Variants in TAF4 observed in about 807,000 individuals in gnomAD.
TAF4 encodes the protein transcription initiation factor TFIID subunit 4.
TAF4 carries 9 observed loss-of-function variants against 90.3 expected under a neutral mutation model. That is an observed-to-expected ratio of 0.10 (90% confidence interval 0.06 to 0.17). The LOEUF (loss-of-function observed/expected upper bound fraction) is 0.17. Ranked by LOEUF, TAF4 falls within the 10% of genes least tolerant of loss-of-function variation. The pLI is 1.00. For missense variants in TAF4, 1,351 were observed against 1,370.7 expected, an observed-to-expected ratio of 0.99 and a Z score of 0.23; for synonymous variants, 818 against 638.9, an observed-to-expected ratio of 1.28 and a Z score of -4.23.
intron 1 of TAF4, among the ~76,000 whole-genome samples, chr20:62,040,311 C>T (rs1292091928): frequency 3.3e-5 from 5 of 152,258 alleles, no homozygotes; most frequent in African/African-American, 1.2e-4. Flanking sequence ...TACTGGCACG[C>T]ACACGACACA....
intron 14 of TAF4, among the ~76,000 whole-genome samples, chr20:61,983,716 A>G (rs1053290952): frequency 2.0e-5 from 3 of 152,244 alleles, no homozygotes; most frequent in Non-Finnish European, 4.4e-5. Context: ...GAGTCAAGAC[A>G]AAACATGTCA....
intron 1 of TAF4, among the ~76,000 whole-genome samples, chr20:62,029,483 C>T (rs564883280): frequency 0.019 from 2,581 of 136,448 alleles, 67 homozygotes; most frequent in African/African-American, 0.073. Flanking sequence ...CGTGCGCGCG[C>T]GCGCACACAC....
chr20:62,064,622 G>T lies in TAF4; in HGVS notation c.1189C>A (p.Pro397Thr). The change falls in exon 1 of 15, where the codon CCC (proline) becomes ACC (threonine). Residue 397 changes from proline to threonine, a missense_variant. Pro to Thr is a conservative substitution (Grantham distance 38). Coordinates refer to ENST00000252996, the MANE Select transcript of TAF4 (RefSeq NM_003185.4). ...GCCGCGCCTTTGGGCAGCCCGGTGG[G>T]GGTCCCGGGGGCGGGCGGCGGGACG... ...AAVPPPAPGT[P>T]TGLPKGAAGA... The T allele has an allele frequency of 2.2e-6, 3 of 1,369,278 alleles. No individual in the cohort carries two copies. Among genetic ancestry groups the T allele is most frequent in the Non-Finnish European group, 2.8e-6 (3 of 1,067,756 alleles). The allele number at this position is 1,369,278 out of a possible 1,614,324, so 84.8% of individuals were successfully genotyped here.
chr20:62,027,972 G>C (rs1045515461), intron 1 of TAF4, among the ~76,000 whole-genome samples: 3 of 152,252 alleles, frequency 2.0e-5, no homozygotes, highest in Admixed American at 6.5e-5. Context: ...AGCCAGGCCA[G>C]GAGTTGTATC....
chr20:62,026,397 C>G (rs2055874837), intron 1 of TAF4, among the ~76,000 whole-genome samples: 1 of 152,216 alleles, frequency 6.6e-6, no homozygotes, highest in Non-Finnish European at 1.5e-5. Context: ...GAGCATGAAA[C>G]AGCTGCAGGG....
chr20:61,985,028 GT>G (rs1396231652), intron 14 of TAF4, among the ~76,000 whole-genome samples: 3 of 75,712 alleles, frequency 4.0e-5, no homozygotes, highest in Non-Finnish European at 7.7e-5. Flanking sequence ...GGGGCAGGGG[GT>G]GGGAGGATGG....
chr20:62,063,703 T>C (rs973914833), intron 1 of TAF4, among the ~76,000 whole-genome samples: 1 of 152,154 alleles, frequency 6.6e-6, no homozygotes, highest in Non-Finnish European at 1.5e-5. Flanking sequence ...CCAGAGTAGC[T>C]AGGCGCTCCT....
Position 61,999,026 on chromosome 20 carries a change from C to T in TAF4, c.2870G>A (p.Arg957Lys), listed in dbSNP as rs1455504340. 3.1e-6 allele frequency: 5 copies of T among 1,614,020 alleles called. No homozygotes were observed. Among genetic ancestry groups the T allele is most frequent in the Admixed American group, 3.3e-5 (2 of 60,002 alleles). ...GATCTCCCGCTCCTGCTCATCCTTC[C>T]TCTGCTTTTCGATTTGATCAAGCTG... ...FEQLDQIEKQ[R>K]KDEQEREILM... The change falls in exon 12 of 15, where the codon AGG (arginine) becomes AAG (lysine). Residue 957 changes from arginine (R) to lysine (K), a missense_variant. This residue lies in a region of TAF4 where 95 missense variants were observed against 151.3 expected (regional missense o/e 0.63). Transcript: ENST00000252996.
intron 14 of TAF4, among the ~76,000 whole-genome samples, chr20:61,992,745 C>T (rs2055639073): frequency 6.6e-6 from 1 of 152,054 alleles, no homozygotes; most frequent in Non-Finnish European, 1.5e-5. Context: ...ATGACTTTTT[C>T]GGTCTGAAAC....
At chr20:61,986,748 C>A (rs2055594880) in intron 14 of TAF4, among the ~76,000 whole-genome samples, 1 of 152,194 alleles carries the variant, frequency 6.6e-6, no homozygotes, top group Non-Finnish European at 1.5e-5. Context: ...TTGTTACCTA[C>A]AGAAAAAAAT....
chr20:61,976,189 G>C lies in TAF4; in HGVS notation c.3237C>G (p.Leu1079=), dbSNP rs1322727909. Reference sequence around the variant, plus strand: ...TGTGTCACTTAAGGAATGCTTTGTAGAGCAGCAGTGAATGGCTTGTCTCAC... The same window carrying C: ...TGTGTCACTTAAGGAATGCTTTGTACAGCAGCAGTGAATGGCTTGTCTCAC... ...NERETSHSLL[L]YKAFLK is the part of the protein sequence containing the mutation. The change falls in exon 15 of 15, where the codon CTC becomes CTG. Residue 1079 remains leucine, a synonymous_variant. Coordinates refer to ENST00000252996, the MANE Select transcript of TAF4 (RefSeq NM_003185.4). 1.2e-6 allele frequency: 2 copies of C among 1,614,098 alleles called. No individual in the cohort carries two copies. Among genetic ancestry groups the C allele is most frequent in the Non-Finnish European group, 8.5e-7 (1 of 1,180,044 alleles).
At chr20:62,064,196 G>A (rs2056107089) in intron 1 of TAF4, 2 of 396,662 alleles carry the variant, frequency 5.0e-6, no homozygotes, top group Non-Finnish European at 8.8e-6. Flanking sequence ...AAACAGACCA[G>A]CCCCAGGCAC....
At chr20:62,052,808 C>T (rs1453336170) in intron 1 of TAF4, among the ~76,000 whole-genome samples, 1 of 145,474 alleles carries the variant, frequency 6.9e-6, no homozygotes, top group African/African-American at 2.6e-5. Context: ...CACCACCCCA[C>T]CCCCACAGTA....
At chr20:62,008,466 G>T (rs545527683) in intron 5 of TAF4, among the ~76,000 whole-genome samples, 1 of 151,886 alleles carries the variant, frequency 6.6e-6, no homozygotes, top group East Asian at 2.0e-4. Context: ...GTTAAGGAGA[G>T]GGGAGGCTGC....
intron 1 of TAF4, among the ~76,000 whole-genome samples, chr20:62,035,036 G>T (rs1162015431): frequency 6.6e-6 from 1 of 152,000 alleles, no homozygotes; most frequent in East Asian, 1.9e-4. Flanking sequence ...TAGCCAGGAT[G>T]GTCTCGATCC....
intron 11 of TAF4, 50 bp downstream of exon 11, chr20:62,000,074 A>T (rs988571010): frequency 1.2e-5 from 19 of 1,613,894 alleles, no homozygotes; most frequent in Non-Finnish European, 1.3e-5. Context: ...GCCAGCAGAG[A>T]GTGGGGGCCA....
chr20:62,012,715 T>TAA (rs2055786267), intron 3 of TAF4, 100 bp downstream of exon 3: 1 of 1,305,918 alleles, frequency 7.7e-7, no homozygotes, highest in Non-Finnish European at 9.9e-7. Flanking sequence ...AGTATCCAGT[T>TAA]TAAAAAAAAA....
intron 14 of TAF4, among the ~76,000 whole-genome samples, chr20:61,985,984 A>C: frequency 6.8e-6 from 1 of 147,746 alleles, no homozygotes. Flanking sequence ...TCCCCAATCA[A>C]AGGAAATACC....
chr20:62,064,257 G>A (rs3746650), intron 1 of TAF4, 194 bp downstream of exon 1: 60,721 of 520,602 alleles, frequency 0.12, 5,470 homozygotes, highest in East Asian at 0.44. Context: ...AGGCTATGCC[G>A]ACTCCCTCTG....
Sources: allele counts gnomAD v4.1 joint callset (sites outside exome capture counted in the v4.1 genomes callset), GRCh38; gene constraint gnomAD v4.1.1; regional missense constraint gnomAD v4.1.1; transcripts MANE v1.5; gene names NCBI Gene and HGNC (gene_info 2026-07-23, HGNC 2026-07-21).